The following SLC26A7 variants were observed in gnomAD, a reference collection of about 807,000 sequenced individuals.
SLC26A7 encodes the protein solute carrier family 26 member 7, also known as anion exchange transporter.
A neutral mutation model predicts 82.5 loss-of-function variants in SLC26A7; 59 were observed. The observed-to-expected ratio is 0.72, with a 90% CI of 0.58 to 0.89. The LOEUF (loss-of-function observed/expected upper bound fraction) is 0.89, where lower values mean the gene tolerates loss of function less well. SLC26A7 is among the 40% of genes least tolerant of loss of function. The pLI is 0.00. For synonymous variants in SLC26A7, 271 were observed against 274.3 expected, an observed-to-expected ratio of 0.99 and a Z score of 0.12; for missense variants, 820 against 793.0, an observed-to-expected ratio of 1.03 and a Z score of -0.41.
At chr8:91,271,132 ATAT>A (rs1292602404) in intron 2 of SLC26A7, among the ~76,000 whole-genome samples, 8 of 152,146 alleles carry the variant, frequency 5.3e-5, no homozygotes, top group Non-Finnish European at 1.0e-4. Flanking sequence ...CAATGCCCAA[ATAT>A]TATTTTTCTC....
chr8:91,346,255 A>G (rs1383137873), intron 9 of SLC26A7, among the ~76,000 whole-genome samples: 1 of 152,088 alleles, frequency 6.6e-6, no homozygotes, highest in Non-Finnish European at 1.5e-5. Flanking sequence ...TAATGTGCAT[A>G]CTCAAATTGA....
At chr8:91,228,506 G>A (rs539228669) in intron 2 of SLC26A7, among the ~76,000 whole-genome samples, 18 of 152,320 alleles carry the variant, frequency 1.2e-4, no homozygotes, top group Non-Finnish European at 2.2e-4. Flanking sequence ...ATTAAGCCTG[G>A]ATCATGAGTT....
intron 15 of SLC26A7, among the ~76,000 whole-genome samples, chr8:91,377,744 C>A (rs1814556586): frequency 6.6e-6 from 1 of 152,136 alleles, no homozygotes; most frequent in Non-Finnish European, 1.5e-5. Flanking sequence ...GTGAGGGGAA[C>A]AGAGAAGCAC....
At chr8:91,332,371 A>G (rs1330561075) in intron 5 of SLC26A7, among the ~76,000 whole-genome samples, 1 of 129,592 alleles carries the variant, frequency 7.7e-6, no homozygotes, top group Non-Finnish European at 1.7e-5. Context: ...TATATATAAA[A>G]TTATATAATA....
At chr8:91,301,415 G>A (rs1586382484) in intron 4 of SLC26A7, among the ~76,000 whole-genome samples, 1 of 152,006 alleles carries the variant, frequency 6.6e-6, no homozygotes, top group East Asian at 1.9e-4. Context: ...GTCAGTTTAA[G>A]CAGCCTAGCT....
At chr8:91,363,633 G>T (rs976411439) in intron 13 of SLC26A7, 95 bp downstream of exon 13, 39 of 676,468 alleles carry the variant, frequency 5.8e-5, no homozygotes, top group Non-Finnish European at 8.8e-5. Context: ...AATTATGATA[G>T]TTAAAAATAT....
At chr8:91,216,706 A>T (rs1810054283) in intron 1 of SLC26A7, among the ~76,000 whole-genome samples, 2 of 152,126 alleles carry the variant, frequency 1.3e-5, no homozygotes, top group Non-Finnish European at 1.5e-5. Flanking sequence ...TTCATCACTT[A>T]ATCATTATAA....
rs143769225 is a variant in SLC26A7, at chr8:91,243,460, G to T, written c.-33-6159G>T. ...ATGGTGCCAAAGAGTGGGGGTGGAGGATAACTCAGGAGGAGGCTGGCAGTC... is the reference window on the plus strand; with the variant it reads ...ATGGTGCCAAAGAGTGGGGGTGGAGTATAACTCAGGAGGAGGCTGGCAGTC... On this transcript the variant is annotated intron_variant, in intron 2 of 5. Transcript: ENST00000522862. Among the ~76,000 whole-genome samples the T allele has an allele frequency of 6.5e-3, 995 of 152,244 alleles. 7 individuals are homozygous for T. The highest frequency in any genetic ancestry group is 0.012 in the Admixed American group (180 of 15,280).
intron 15 of SLC26A7, among the ~76,000 whole-genome samples, chr8:91,376,141 C>G (rs1489495868): frequency 1.3e-5 from 2 of 151,992 alleles, no homozygotes; most frequent in African/African-American, 2.4e-5. Context: ...TTTCTGGTTT[C>G]TTTGTGCAGG....
chr8:91,278,477 T>C (rs1811466657), intron 2 of SLC26A7, among the ~76,000 whole-genome samples: 1 of 152,188 alleles, frequency 6.6e-6, no homozygotes, highest in African/African-American at 2.4e-5. Context: ...ATACTATATA[T>C]GTATACAGAG....
intron 2 of SLC26A7, among the ~76,000 whole-genome samples, chr8:91,261,317 T>C (rs1469805393): frequency 1.3e-5 from 2 of 152,138 alleles, no homozygotes; most frequent in Non-Finnish European, 1.5e-5. Flanking sequence ...TTTTCTGTCT[T>C]CAGAAATGCG....
rs187498404 is a variant in SLC26A7 at position 91,270,261 on chromosome 8, T to C, written c.194-18875T>C. On this transcript the variant is annotated intron_variant, in intron 2 of 18. Transcript: ENST00000276609. ...GACCTTTACTACTTAATATTGGAAC[T>C]TAATCGCAGGCCTGCTATTCCTTTC... is the stretch of plus-strand genomic sequence containing the variant. 3.6e-3 allele frequency among the ~76,000 whole-genome samples: 550 copies of C among 152,334 alleles called. 7 individuals are homozygous for C. Among genetic ancestry groups the C allele is most frequent in the African/African-American group, 0.013 (528 of 41,570 alleles).
In SLC26A7 at chr8:91,373,371, G is replaced by C. The variant is rs116466024; in HGVS notation, c.1675+3538G>C. Among the ~76,000 whole-genome samples, 566 of 151,994 alleles carry C rather than the reference G, an allele frequency of 3.7e-3. 5 individuals are homozygous for C. The highest frequency in any genetic ancestry group is 0.012 in the African/African-American group (513 of 41,494). On this transcript the variant is annotated intron_variant, in intron 15 of 18. Transcript: ENST00000276609. ...TTTGGAGATGGGTTTGTTGTAGATT[G>C]CTTTTATTATTTTGATGTATGTTCC...
chr8:91,394,088 T>C (rs1228979312), intron 18 of SLC26A7, 49 bp downstream of exon 18: 4 of 1,593,946 alleles, frequency 2.5e-6, no homozygotes, highest in Non-Finnish European at 3.4e-6. Flanking sequence ...ATTCAGAATA[T>C]AGAATCGAAG....
chr8:91,370,868 A>G (rs972575316), intron 15 of SLC26A7, among the ~76,000 whole-genome samples: 10 of 151,962 alleles, frequency 6.6e-5, no homozygotes, highest in African/African-American at 1.9e-4. Flanking sequence ...AAAATCTCTT[A>G]TTTTTTGTGT....
chr8:91,340,226 T>G (rs1198490286), intron 7 of SLC26A7, among the ~76,000 whole-genome samples, 178 bp from the exon 8 acceptor site: 2 of 152,196 alleles, frequency 1.3e-5, no homozygotes, highest in Non-Finnish European at 2.9e-5. Context: ...AATTTTGCTA[T>G]TCTGCTAAAT....
chr8:91,213,199 C>A (rs1268935674), intron 1 of SLC26A7, among the ~76,000 whole-genome samples: 1 of 152,120 alleles, frequency 6.6e-6, no homozygotes, highest in East Asian at 1.9e-4. Context: ...TGCTGCTTAG[C>A]TGGGTGGCTG....
chr8:91,242,288 T>G (rs912854257), intron 2 of SLC26A7, among the ~76,000 whole-genome samples: 1 of 152,212 alleles, frequency 6.6e-6, no homozygotes, highest in Admixed American at 6.5e-5. Flanking sequence ...CATATCTTTT[T>G]GGACAGCATG....
At chr8:91,332,696 A>C (rs1813127568) in intron 5 of SLC26A7, among the ~76,000 whole-genome samples, 1 of 150,480 alleles carries the variant, frequency 6.6e-6, no homozygotes, top group African/African-American at 2.5e-5. Flanking sequence ...ATACCCAGCT[A>C]ATTTTTTAAA....
Sources: gnomAD v4.1 joint callset for allele counts (sites outside exome capture counted in the v4.1 genomes callset) on GRCh38, gnomAD v4.1.1 for gene constraint, MANE v1.5 for transcripts, NCBI Gene and HGNC (gene_info 2026-07-23, HGNC 2026-07-21) for gene names.